Variants in TENM3 observed in about 807,000 individuals in gnomAD.
TENM3 encodes the protein teneurin-3.
A neutral mutation model predicts 255.1 loss-of-function variants in TENM3; 63 were observed. The ratio of observed to expected loss-of-function variants is 0.25; its 90% CI spans 0.20 to 0.30. The LOEUF (loss-of-function observed/expected upper bound fraction) is 0.30. Among genes scored for constraint, TENM3 ranks in the 10% least tolerant of loss-of-function variants. The probability of loss-of-function intolerance (pLI) is 1.00; values close to 1 mark genes in which losing one functional copy is unlikely to be tolerated. For synonymous variants in TENM3, 1,306 were observed against 1,322.3 expected (o/e 0.99, Z 0.27); for missense variants, 2,929 against 3,461.1 (o/e 0.85, Z 3.86).
intron 3 of TENM3, among the ~76,000 whole-genome samples, chr4:182,472,877 G>A (rs967414682): frequency 9.2e-5 from 14 of 152,056 alleles, no homozygotes; most frequent in Admixed American, 1.3e-4. Context: ...CATCATGCCC[G>A]GTTAATTGTA....
chr4:182,122,382 G>C, the TENM3 span, among the ~76,000 whole-genome samples: 1 of 152,332 alleles, frequency 6.6e-6, no homozygotes, highest in Admixed American at 6.5e-5. Context: ...GGCAGTGACA[G>C]TCTTGCAAAA....
the TENM3 span, among the ~76,000 whole-genome samples, chr4:181,900,349 A>T: frequency 6.6e-6 from 1 of 152,222 alleles, no homozygotes; most frequent in East Asian, 1.9e-4. Context: ...AAAAGTTCAC[A>T]AAAACTTAAA....
At chr4:182,506,260 G>A (rs1018900577) in intron 3 of TENM3, among the ~76,000 whole-genome samples, 69 of 152,154 alleles carry the variant, frequency 4.5e-4, no homozygotes, top group Admixed American at 4.5e-3. Flanking sequence ...GAAGACGCTT[G>A]CTACTTTTGA....
the TENM3 span, among the ~76,000 whole-genome samples, chr4:182,127,255 A>G: frequency 6.6e-6 from 1 of 152,240 alleles, no homozygotes; most frequent in African/African-American, 2.4e-5. Flanking sequence ...AAAGCAGCTA[A>G]AAACATAGCA....
chr4:181,764,678 A>G, the TENM3 span, among the ~76,000 whole-genome samples: 1 of 152,152 alleles, frequency 6.6e-6, no homozygotes, highest in Non-Finnish European at 1.5e-5. Context: ...ATGAATGTAC[A>G]CATGTGACTT....
chr4:182,601,994 A>G (rs1031310581), intron 4 of TENM3, among the ~76,000 whole-genome samples: 1 of 152,226 alleles, frequency 6.6e-6, no homozygotes, highest in Non-Finnish European at 1.5e-5. Context: ...CTGGCTGACA[A>G]GTGGTAAACT....
the TENM3 span, among the ~76,000 whole-genome samples, chr4:181,635,143 G>T: frequency 6.6e-6 from 1 of 152,112 alleles, no homozygotes; most frequent in Non-Finnish European, 1.5e-5. Context: ...AATTTTCTCT[G>T]CATCAGCAGC....
the TENM3 span, among the ~76,000 whole-genome samples, chr4:181,995,442 G>C: frequency 6.6e-6 from 1 of 152,178 alleles, no homozygotes; most frequent in East Asian, 1.9e-4. Context: ...ATGTGTATGT[G>C]AAAGCAGCTT....
At chr4:182,158,270 G>A (rs1750850448) in intron 1 of TENM3, among the ~76,000 whole-genome samples, 1 of 152,210 alleles carries the variant, frequency 6.6e-6, no homozygotes, top group Non-Finnish European at 1.5e-5. Context: ...TCAAATGTGA[G>A]CTCATTGGGG....
At chr4:181,483,783 C>T in the TENM3 span, among the ~76,000 whole-genome samples, 1 of 152,130 alleles carries the variant, frequency 6.6e-6, no homozygotes, top group African/African-American at 2.4e-5. Context: ...AAAAATCCTT[C>T]AGCCTTCCCT....
chr4:181,675,640 G>A, the TENM3 span, among the ~76,000 whole-genome samples: 1,016 of 152,202 alleles, frequency 6.7e-3, 9 homozygotes, highest in African/African-American at 0.023. Context: ...GTCCTCGAAA[G>A]GTCATCAGGA....
intron 1 of TENM3, among the ~76,000 whole-genome samples, chr4:182,160,361 T>C (rs1751059076): frequency 1.3e-5 from 2 of 152,352 alleles, no homozygotes; most frequent in African/African-American, 4.8e-5. Context: ...ACATTACGGT[T>C]AGAATGACCT....
the TENM3 span, among the ~76,000 whole-genome samples, chr4:181,536,936 T>A: frequency 6.6e-6 from 1 of 152,198 alleles, no homozygotes; most frequent in East Asian, 1.9e-4. Flanking sequence ...TGATACAGAT[T>A]GCCTCATAAA....
the TENM3 span, among the ~76,000 whole-genome samples, chr4:181,467,085 G>GTATATATATATATATATA: frequency 7.7e-5 from 1 of 13,026 alleles, no homozygotes; most frequent in African/African-American, 2.3e-4. Context: ...GTGTGTGTGC[G>GTATATATATATATATATA]TGTGTGTGTG....
the TENM3 span, among the ~76,000 whole-genome samples, chr4:181,710,963 G>C: frequency 6.6e-6 from 1 of 151,568 alleles, no homozygotes; most frequent in Non-Finnish European, 1.5e-5. Flanking sequence ...TTGGCAATCA[G>C]AGAAGGGTAC....
At chr4:182,016,809 T>G in the TENM3 span, among the ~76,000 whole-genome samples, 1 of 152,234 alleles carries the variant, frequency 6.6e-6, no homozygotes, top group Non-Finnish European at 1.5e-5. Context: ...TTATTAGTAT[T>G]CACTTTAGAT....
chr4:181,632,063 T>C, the TENM3 span, among the ~76,000 whole-genome samples: 1 of 152,172 alleles, frequency 6.6e-6, no homozygotes, highest in African/African-American at 2.4e-5. Context: ...GGTGTATTAG[T>C]CTGTTTTCAC....
chr4:181,854,806 G>GTGCTAGC, the TENM3 span, among the ~76,000 whole-genome samples: 1 of 152,186 alleles, frequency 6.6e-6, no homozygotes, highest in Admixed American at 6.5e-5. Flanking sequence ...ATCAATGTCA[G>GTGCTAGC]TGCTAGCTAG....
chr4:182,482,745 A>T (rs1194665445), intron 3 of TENM3, among the ~76,000 whole-genome samples: 1 of 152,178 alleles, frequency 6.6e-6, no homozygotes, highest in Admixed American at 6.5e-5. Flanking sequence ...TCTTTTCAGA[A>T]ACAGTAGGTA....
Sources: gnomAD v4.1 joint callset for allele counts (sites outside exome capture counted in the v4.1 genomes callset) on GRCh38, gnomAD v4.1.1 for gene constraint, MANE v1.5 for transcripts, NCBI Gene and HGNC (gene_info 2026-07-23, HGNC 2026-07-21) for gene names.